Variants in DNAJC18 observed in about 807,000 individuals in gnomAD.
DNAJC18 encodes dnaJ homolog subfamily C member 18.
In DNAJC18, 40 loss-of-function variants were observed where a neutral mutation model predicts 48.6. The ratio of observed to expected loss-of-function variants is 0.82; its 90% CI spans 0.64 to 1.07. The LOEUF is 1.07. Ranked by LOEUF, DNAJC18 falls within the 50% of genes least tolerant of loss-of-function variation. The pLI, the probability that DNAJC18 is intolerant of heterozygous loss-of-function variation, is 0.00. For missense variants in DNAJC18, 340 were observed against 427.7 expected (o/e 0.79, Z 1.81); for synonymous variants, 135 against 152.2 (o/e 0.89, Z 0.83).
At chr5:139,415,109 G>A (rs1343442820) in intron 7 of DNAJC18, among the ~76,000 whole-genome samples, 3 of 152,158 alleles carry the variant, frequency 2.0e-5, no homozygotes, top group Non-Finnish European at 4.4e-5. Context: ...TTTCCTGAAA[G>A]CCTCCAACAG....
intron 2 of DNAJC18, among the ~76,000 whole-genome samples, chr5:139,429,077 T>C (rs1759289778): frequency 6.6e-6 from 1 of 151,282 alleles, no homozygotes; most frequent in African/African-American, 2.4e-5. Context: ...ACTGTATTTT[T>C]TGCTTTTTTT....
chr5:139,418,944 G>A (rs1759108954), intron 7 of DNAJC18: 1 of 439,360 alleles, frequency 2.3e-6, no homozygotes. Context: ...TTGGTACTAT[G>A]TTAGCAGGCT....
At chr5:139,431,565 T>C (rs992116101) in intron 2 of DNAJC18, among the ~76,000 whole-genome samples, 3 of 152,244 alleles carry the variant, frequency 2.0e-5, no homozygotes, top group African/African-American at 4.8e-5. Context: ...TAGTATTTCA[T>C]TGTATGGATA....
At chr5:139,418,684 A>G in intron 7 of DNAJC18, 1 of 452,602 alleles carries the variant, frequency 2.2e-6, no homozygotes, top group South Asian at 1.6e-5. Flanking sequence ...TAGGGGGCAG[A>G]GACCAGGTCC....
Position 139,439,340 on chromosome 5 carries a change from C to T in DNAJC18, c.40+66G>A. The T allele has an allele frequency of 1.2e-6, 2 of 1,612,338 alleles. No individual in the cohort carries two copies. On this transcript the variant is annotated intron_variant, in intron 1 of 7. Transcript: ENST00000302060. This position sits in a 1 kb window ranked among gnomAD's most constrained non-coding sequence, Gnocchi z 4.1. ...CAGGATCTCAGCCCTTGTGCGTCTT[C>T]AGGATCCTCATCCCTGATCTCTCCC...
rs1305993596 is a variant in DNAJC18, at chr5:139,424,530, C to G, written c.669+475G>C. ...ATCACTTGAGCCCAGGAGTTTGTGA[C>G]CAGCCTGGGAAACATGGTGAGAAAT... On this transcript the variant is annotated intron_variant, in intron 5 of 7. Coordinates refer to ENST00000302060, the MANE Select transcript of DNAJC18 (RefSeq NM_152686.4). Among the ~76,000 whole-genome samples, 11 of 151,890 alleles carry G rather than the reference C, an allele frequency of 7.2e-5. No individual in the cohort carries two copies. The East Asian group carries it at 1.7e-3, about 24-fold the overall frequency.
chr5:139,420,286 A>C, intron 6 of DNAJC18, 61 bp from the exon 7 acceptor site: 6 of 1,477,984 alleles, frequency 4.1e-6, no homozygotes, highest in East Asian at 2.4e-5. Flanking sequence ...TACTCTTAGC[A>C]CTGCCCTCAC....
At position 139,420,244 on chromosome 5, in the gene DNAJC18, G is replaced by A. The variant is rs757965914; in HGVS notation, c.780-19C>T. Reference sequence around the variant, plus strand: ...CAAGGTCCTGAAACAAGGAGAGAGAGGCTCATGTGAGCTCATAATATTTGG... The same window carrying A: ...CAAGGTCCTGAAACAAGGAGAGAGAAGCTCATGTGAGCTCATAATATTTGG... On this transcript the variant is annotated intron_variant, in intron 6 of 7. Transcript: ENST00000302060. 6.3e-6 allele frequency: 10 copies of A among 1,591,218 alleles called. No individual in the cohort carries two copies. In the East Asian group the frequency reaches 1.4e-4, roughly 22 times the overall value.
chr5:139,425,558 C>T (rs1330727624), intron 4 of DNAJC18, among the ~76,000 whole-genome samples: 2 of 152,138 alleles, frequency 1.3e-5, no homozygotes, highest in Non-Finnish European at 2.9e-5. Flanking sequence ...AGACAATAGG[C>T]AAGCCAAGTG....
intron 6 of DNAJC18, among the ~76,000 whole-genome samples, chr5:139,421,285 T>TA (rs1324614430): frequency 6.6e-6 from 1 of 151,868 alleles, no homozygotes; most frequent in East Asian, 1.9e-4. Context: ...CAGTCTCTAC[T>TA]AAAAAATACA....
intron 2 of DNAJC18, among the ~76,000 whole-genome samples, chr5:139,429,080 CTT>C (rs559935676): frequency 6.1e-5 from 7 of 114,582 alleles, no homozygotes; most frequent in Non-Finnish European, 1.1e-4. Context: ...GTATTTTTTG[CTT>C]TTTTTTTTTT....
intron 7 of DNAJC18, among the ~76,000 whole-genome samples, chr5:139,415,760 G>A (rs1395431529): frequency 1.3e-5 from 2 of 152,240 alleles, no homozygotes; most frequent in East Asian, 3.8e-4. Flanking sequence ...TGTGAAGTCA[G>A]TCTATGCCTT....
At position 139,437,403 on chromosome 5, in the gene DNAJC18, A is replaced by G. The variant is rs1018611496; in HGVS notation, c.196T>C (p.Tyr66His). 1.4e-5 allele frequency: 23 copies of G among 1,613,544 alleles called. No individual in the cohort carries two copies. The highest frequency in any genetic ancestry group is 1.9e-5 in the Non-Finnish European group (23 of 1,179,768). Residue 66 changes from tyrosine (Y) to histidine (H), a missense_variant, in exon 2 of 8, where the codon TAT becomes CAT. By Grantham distance (83) the Tyr-to-His change is moderately conservative. Coordinates refer to ENST00000302060, the MANE Select transcript of DNAJC18 (RefSeq NM_152686.4). ...ACCCCAAGCAGCTGTTCCTCACTAT[A>G]CGTGGAGTTCCCCTCACCCTGCCGG... is the stretch of plus-strand genomic sequence containing the variant. ...QTRQGEGNSTYSEEQLLGVQR... is the reference protein window; with the variant it reads ...QTRQGEGNSTHSEEQLLGVQR...
chr5:139,423,441 G>C, intron 5 of DNAJC18, among the ~76,000 whole-genome samples: 1 of 149,744 alleles, frequency 6.7e-6, no homozygotes, highest in Non-Finnish European at 1.5e-5. Flanking sequence ...CCAGGCTAGA[G>C]TACAGTGACA....
chr5:139,426,173 T>C lies in DNAJC18; in HGVS notation c.558A>G (p.Thr186=), dbSNP rs2152083998. 2 of 1,613,472 alleles carry C rather than the reference T, an allele frequency of 1.2e-6. No individual in the cohort carries two copies. Among genetic ancestry groups the C allele is most frequent in the Non-Finnish European group, 1.7e-6 (2 of 1,179,788 alleles). The part of the protein sequence containing the change: ...FNVFFGGHFP[T]GNIHMFSNVT... Reference sequence around the variant, plus strand: ...GAATGATAATTTGGGGAGACTAACCTGTAGGAAAATGTCCTCCAAAGAAGA... The same window carrying C: ...GAATGATAATTTGGGGAGACTAACCCGTAGGAAAATGTCCTCCAAAGAAGA... Residue 186 remains threonine, a splice_region_variant and synonymous_variant, in exon 4 of 8, where the codon ACA becomes ACG. Coordinates refer to ENST00000302060, the MANE Select transcript of DNAJC18 (RefSeq NM_152686.4).
At position 139,420,209 on chromosome 5, in the gene DNAJC18, T is replaced by A. The variant is rs1759131135; in HGVS notation, c.796A>T (p.Ile266Phe). The change falls in exon 7 of 8, where the codon ATT becomes TTT. Residue 266 changes from isoleucine (I) to phenylalanine (F), a missense_variant. Ile to Phe is a conservative substitution (Grantham distance 21). Transcript: ENST00000302060. Reference sequence around the variant, plus strand: ...TGCAGGTTCTGAGTTTCTCTAGAAATGGTGTAGCCCAAGGTCCTGAAACAA... The same window carrying A: ...TGCAGGTTCTGAGTTTCTCTAGAAAAGGTGTAGCCCAAGGTCCTGAAACAA... ...LFYKSTLGYTISRETQNLQVP... is the reference protein window; with the variant it reads ...LFYKSTLGYTFSRETQNLQVP... The A allele has an allele frequency of 3.1e-6, 5 of 1,610,462 alleles. No individual in the cohort carries two copies. Among genetic ancestry groups the A allele is most frequent in the African/African-American group, 1.3e-5 (1 of 74,712 alleles).
chr5:139,422,586 A>ACAT, intron 6 of DNAJC18, 122 bp downstream of exon 6: 1 of 769,614 alleles, frequency 1.3e-6, no homozygotes, highest in Non-Finnish European at 2.1e-6. Context: ...GTTCCTTTAA[A>ACAT]CATCAAATCG....
At chr5:139,437,331 CT>C in intron 2 of DNAJC18, 40 bp downstream of exon 2, 2 of 1,555,622 alleles carry the variant, frequency 1.3e-6, no homozygotes, top group Non-Finnish European at 1.7e-6. Flanking sequence ...CTTCTAAGCA[CT>C]TTCCATAAAA....
At chr5:139,434,714 C>T (rs1161918122) in intron 2 of DNAJC18, among the ~76,000 whole-genome samples, 1 of 151,678 alleles carries the variant, frequency 6.6e-6, no homozygotes, top group Non-Finnish European at 1.5e-5. Flanking sequence ...TATCCTGTAA[C>T]TTTGTCCAAC....
Sources: allele counts gnomAD v4.1 joint callset (sites outside exome capture counted in the v4.1 genomes callset), GRCh38; gene constraint gnomAD v4.1.1; non-coding constraint Gnocchi (gnomAD v3.1); transcripts MANE v1.5; gene names NCBI Gene and HGNC (gene_info 2026-07-23, HGNC 2026-07-21).